Variants in ADAM7 observed in about 807,000 individuals in gnomAD.
ADAM7 encodes ADAM metallopeptidase domain 7.
In ADAM7, 97 loss-of-function variants were observed where a neutral mutation model predicts 102.9. That is an observed-to-expected ratio of 0.94 (90% CI 0.80 to 1.12). ADAM7 has a LOEUF of 1.12. Ranked by LOEUF, ADAM7 falls within the 50% of genes most tolerant of loss-of-function variation. The probability of loss-of-function intolerance (pLI) is 0.00; values close to 1 mark genes in which losing one functional copy is unlikely to be tolerated. For missense variants in ADAM7, 991 were observed against 908.7 expected (o/e 1.09, Z -1.16); for synonymous variants, 334 against 304.4 (o/e 1.10, Z -1.01).
chr8:24,475,474 G>A (rs1391579207), intron 7 of ADAM7, among the ~76,000 whole-genome samples: 3 of 152,092 alleles, frequency 2.0e-5, no homozygotes, highest in African/African-American at 7.2e-5. Flanking sequence ...TGGAGAAGAT[G>A]ACCAGAAAGG....
intron 11 of ADAM7, among the ~76,000 whole-genome samples, chr8:24,487,836 A>G (rs538475253): frequency 4.6e-5 from 7 of 152,210 alleles, no homozygotes; most frequent in African/African-American, 1.7e-4. Flanking sequence ...CGTGAGAGAA[A>G]TCCCAAAACT....
chr8:24,489,433 G>T, intron 12 of ADAM7, 100 bp downstream of exon 12: 2 of 1,170,250 alleles, frequency 1.7e-6, no homozygotes, highest in Non-Finnish European at 1.1e-6. Context: ...GGTGTTCCTT[G>T]TAAAACTTTT....
rs1818995435 is a variant in ADAM7, at chr8:24,455,445, C to G, written c.233+8183C>G. On this transcript the variant is annotated intron_variant, in intron 3 of 21. Transcript: ENST00000175238. Reference sequence around the variant, plus strand: ...TGAGACACAGCCTCACTCTGTCACCCAGGCTAGAGTGCAGTGGCACAGTCA... The same window carrying G: ...TGAGACACAGCCTCACTCTGTCACCGAGGCTAGAGTGCAGTGGCACAGTCA... Among the ~76,000 whole-genome samples, 4 of 152,200 alleles carry G rather than the reference C, an allele frequency of 2.6e-5. No individual in the cohort carries two copies. In the South Asian group the frequency reaches 8.3e-4, roughly 32 times the overall value.
chr8:24,453,979 G>A (rs112918693), intron 3 of ADAM7, among the ~76,000 whole-genome samples: 4,518 of 152,290 alleles, frequency 0.03, 104 homozygotes, highest in Non-Finnish European at 0.044. Context: ...TTTGTGAACC[G>A]CGAATGCTGC....
intron 2 of ADAM7, among the ~76,000 whole-genome samples, chr8:24,445,739 C>T (rs547990584): frequency 2.8e-4 from 43 of 152,198 alleles, no homozygotes; most frequent in Non-Finnish European, 5.4e-4. Flanking sequence ...AGGATAAGGC[C>T]CAAATCTTTG....
intron 3 of ADAM7, among the ~76,000 whole-genome samples, chr8:24,453,421 C>T (rs1443221713): frequency 6.6e-6 from 1 of 152,096 alleles, no homozygotes; most frequent in East Asian, 1.9e-4. Flanking sequence ...TCACTGATAC[C>T]CTTTCTTCCA....
At position 24,447,174 on chromosome 8, in the gene ADAM7, C is replaced by T; in HGVS notation, c.157-12C>T. 1 of 1,515,228 alleles carries T rather than the reference C, an allele frequency of 6.6e-7. No individual in the cohort carries two copies. Among genetic ancestry groups the T allele is most frequent in the Non-Finnish European group, 9.0e-7 (1 of 1,107,190 alleles). The allele number at this position is 1,515,228 out of a possible 1,614,324, so 93.9% of individuals were successfully genotyped here. On this transcript the variant is annotated splice_polypyrimidine_tract_variant and intron_variant, in intron 2 of 21. Transcript: ENST00000175238. ...CCCATGTTGAAGTCACGTGATGCCTCTTCTTTTTTAGAAAACGTATGAAGA... is the reference window on the plus strand; with the variant it reads ...CCCATGTTGAAGTCACGTGATGCCTTTTCTTTTTTAGAAAACGTATGAAGA...
chr8:24,486,364 T>A (rs912788921), intron 10 of ADAM7, among the ~76,000 whole-genome samples: 4 of 152,186 alleles, frequency 2.6e-5, no homozygotes, highest in Non-Finnish European at 4.4e-5. Context: ...ACATTTAAGT[T>A]TTTCCCATAA....
At chr8:24,483,223 G>T (rs753485587) in intron 9 of ADAM7, among the ~76,000 whole-genome samples, 13 of 152,048 alleles carry the variant, frequency 8.5e-5, no homozygotes, top group Non-Finnish European at 1.6e-4. Flanking sequence ...GATACCTAGC[G>T]CAGTACTTAG....
intron 21 of ADAM7, among the ~76,000 whole-genome samples, chr8:24,507,768 G>T (rs1038151119): frequency 6.6e-6 from 1 of 151,916 alleles, no homozygotes; most frequent in Non-Finnish European, 1.5e-5. Flanking sequence ...GAGCAATCCA[G>T]AATTCAACAG....
chr8:24,450,290 T>A (rs1244402387), intron 3 of ADAM7, among the ~76,000 whole-genome samples: 1 of 152,202 alleles, frequency 6.6e-6, no homozygotes, highest in Non-Finnish European at 1.5e-5. Flanking sequence ...GAGCATGGAA[T>A]GTTCTTCCAT....
intron 13 of ADAM7, among the ~76,000 whole-genome samples, chr8:24,491,271 C>A (rs987778364): frequency 6.6e-6 from 1 of 152,172 alleles, no homozygotes; most frequent in Non-Finnish European, 1.5e-5. Flanking sequence ...AGTGGAGAAA[C>A]GTTCCCGAGG....
chr8:24,498,776 A>G (rs955065065), intron 16 of ADAM7, among the ~76,000 whole-genome samples: 1 of 151,930 alleles, frequency 6.6e-6, no homozygotes, highest in Non-Finnish European at 1.5e-5. Context: ...AAGAGAAAGG[A>G]AAATTTAAAG....
intron 20 of ADAM7, among the ~76,000 whole-genome samples, chr8:24,506,425 C>T (rs959764501): frequency 2.0e-5 from 3 of 152,100 alleles, no homozygotes; most frequent in African/African-American, 7.2e-5. Context: ...GCATTTTGTT[C>T]ACCATGATAC....
chr8:24,484,749 T>G (rs1266610538), intron 9 of ADAM7, among the ~76,000 whole-genome samples: 1 of 151,968 alleles, frequency 6.6e-6, no homozygotes, highest in Non-Finnish European at 1.5e-5. Context: ...GATTTGTATT[T>G]TTTTGTTTTT....
At chr8:24,506,759 A>G (rs1820964627) in intron 20 of ADAM7, among the ~76,000 whole-genome samples, 2 of 127,118 alleles carry the variant, frequency 1.6e-5, no homozygotes, top group South Asian at 2.4e-4. Context: ...CAAAGCACAC[A>G]CACACACACA....
intron 3 of ADAM7, 27 bp from the exon 4 acceptor site, chr8:24,463,855 T>TTA: frequency 6.3e-7 from 1 of 1,589,116 alleles, no homozygotes; most frequent in South Asian, 1.1e-5. Flanking sequence ...CGAACAAATC[T>TTA]CACCACCTGT....
intron 20 of ADAM7, among the ~76,000 whole-genome samples, 188 bp downstream of exon 20, chr8:24,501,764 C>T (rs2129396388): frequency 6.6e-6 from 1 of 152,072 alleles, no homozygotes; most frequent in South Asian, 2.1e-4. Context: ...GGATTCAAAA[C>T]AGATATGGAA....
intron 7 of ADAM7, among the ~76,000 whole-genome samples, chr8:24,472,502 T>G (rs1313923677): frequency 6.6e-6 from 1 of 151,982 alleles, no homozygotes; most frequent in Non-Finnish European, 1.5e-5. Flanking sequence ...ACAATATATT[T>G]CCAAATATTA....
Sources: allele counts gnomAD v4.1 joint callset (sites outside exome capture counted in the v4.1 genomes callset), GRCh38; gene constraint gnomAD v4.1.1; transcripts MANE v1.5; gene names NCBI Gene and HGNC (gene_info 2026-07-23, HGNC 2026-07-21).